The following FBXL2 variants were observed in gnomAD, a reference collection of about 807,000 sequenced individuals.
The protein encoded by FBXL2 is F-box/LRR-repeat protein 2.
A neutral mutation model predicts 69.2 loss-of-function variants in FBXL2; 38 were observed. The ratio of observed to expected loss-of-function variants is 0.55; its 90% CI spans 0.42 to 0.72. The LOEUF (loss-of-function observed/expected upper bound fraction) is 0.72, where lower values mean the gene tolerates loss of function less well. Among genes scored for constraint, FBXL2 ranks in the 30% least tolerant of loss-of-function variants. The pLI is 0.00. For synonymous variants in FBXL2, 192 were observed against 201.3 expected, an observed-to-expected ratio of 0.95 and a Z score of 0.39; for missense variants, 354 against 520.3, an observed-to-expected ratio of 0.68 and a Z score of 3.11.
intron 1 of FBXL2, among the ~76,000 whole-genome samples, chr3:33,280,431 G>A (rs2033845853): frequency 6.6e-6 from 1 of 152,134 alleles, no homozygotes; most frequent in African/African-American, 2.4e-5. Flanking sequence ...CTTCAAGGCT[G>A]GGCTCAGTGG....
At chr3:33,384,836 C>T (rs1414594350) in intron 14 of FBXL2, among the ~76,000 whole-genome samples, 3 of 151,924 alleles carry the variant, frequency 2.0e-5, no homozygotes, top group Admixed American at 1.3e-4. Context: ...GTCAAGGGTT[C>T]GAGACCAGCT....
chr3:33,396,704 A>G, intron 12 of FBXL2: 1 of 499,164 alleles, frequency 2.0e-6, no homozygotes, highest in Non-Finnish European at 3.8e-6. Flanking sequence ...CTGTTTAGTA[A>G]TAGTCATGAC....
chr3:33,409,961 A>G, the FBXL2 span, among the ~76,000 whole-genome samples: 2 of 152,172 alleles, frequency 1.3e-5, no homozygotes, highest in Admixed American at 1.3e-4. Flanking sequence ...GCCCTGTTCA[A>G]TCCACAGCAA....
At chr3:33,292,693 T>G (rs1338800151) in intron 1 of FBXL2, among the ~76,000 whole-genome samples, 2 of 152,004 alleles carry the variant, frequency 1.3e-5, no homozygotes, top group Admixed American at 6.6e-5. Context: ...ACAAAAGGAT[T>G]AAATTTACTA....
At chr3:33,285,806 C>T (rs1310547446) in intron 1 of FBXL2, among the ~76,000 whole-genome samples, 1 of 152,144 alleles carries the variant, frequency 6.6e-6, no homozygotes, top group East Asian at 1.9e-4. Context: ...ATCACTGATA[C>T]CCTTTCTTCC....
chr3:33,328,179 A>G (rs1293224841), intron 2 of FBXL2, among the ~76,000 whole-genome samples: 2 of 152,188 alleles, frequency 1.3e-5, no homozygotes, highest in Non-Finnish European at 2.9e-5. Flanking sequence ...AAAATCTAAA[A>G]CATTGATGAA....
chr3:33,304,114 A>T (rs1424506944), intron 2 of FBXL2, among the ~76,000 whole-genome samples: 1 of 152,116 alleles, frequency 6.6e-6, no homozygotes, highest in Non-Finnish European at 1.5e-5. Context: ...TGAGGCATAT[A>T]TACAGGATGA....
Position 33,338,614 on chromosome 3 carries a change from A to G in FBXL2, c.66-20353A>G, listed in dbSNP as rs1575249200. 1.3e-5 allele frequency among the ~76,000 whole-genome samples: 2 copies of G among 152,300 alleles called. 1 individual carries two copies. The highest frequency in any genetic ancestry group is 4.1e-4 in the South Asian group (2 of 4,820). On this transcript the variant is annotated intron_variant, in intron 2 of 14. Coordinates refer to ENST00000484457, the MANE Select transcript of FBXL2 (RefSeq NM_012157.5). ...ATGGAATAGGTTAGAGAACCCATAA[A>G]TAGAGCTGCACACCTACAACCATGT... is the stretch of plus-strand genomic sequence containing the variant.
intron 2 of FBXL2, among the ~76,000 whole-genome samples, chr3:33,321,325 A>G (rs919045881): frequency 7.9e-5 from 12 of 151,994 alleles, no homozygotes; most frequent in Non-Finnish European, 1.6e-4. Flanking sequence ...AAAAAAGAAA[A>G]AGAAAAAAGA....
At chr3:33,277,230 G>A (rs1225423842), upstream of FBXL2, 1 of 389,188 alleles carries the variant, frequency 2.6e-6, no homozygotes, top group Non-Finnish European at 4.5e-6. Flanking sequence ...GCAGTCTGCG[G>A]CTGGGTAATC....
At chr3:33,283,899 G>A (rs911910105) in intron 1 of FBXL2, among the ~76,000 whole-genome samples, 4 of 151,966 alleles carry the variant, frequency 2.6e-5, no homozygotes, top group Admixed American at 6.6e-5. Context: ...GTGATATTCC[G>A]TTTATGATCT....
downstream of FBXL2, among the ~76,000 whole-genome samples, chr3:33,404,147 T>C (rs755164289): frequency 6.6e-6 from 1 of 152,148 alleles, no homozygotes; most frequent in Admixed American, 6.5e-5. Flanking sequence ...GCGCGGTGGC[T>C]CACGCCTGTA....
intron 14 of FBXL2, among the ~76,000 whole-genome samples, chr3:33,384,443 C>T (rs2043274851): frequency 6.6e-6 from 1 of 152,172 alleles, no homozygotes; most frequent in Admixed American, 6.5e-5. Context: ...CACCTGTAAT[C>T]CCAGCTACTC....
At chr3:33,357,465 A>G (rs2041282114) in intron 2 of FBXL2, among the ~76,000 whole-genome samples, 1 of 150,512 alleles carries the variant, frequency 6.6e-6, no homozygotes, top group Non-Finnish European at 1.5e-5. Context: ...AATATATTGA[A>G]TATGTATGTT....
At chr3:33,313,108 G>A (rs1393358743) in intron 2 of FBXL2, among the ~76,000 whole-genome samples, 1 of 143,576 alleles carries the variant, frequency 7.0e-6, no homozygotes, top group African/African-American at 2.7e-5. Context: ...GTCAGAGTGA[G>A]ACTCCGTCTC....
intron 2 of FBXL2, among the ~76,000 whole-genome samples, chr3:33,312,229 A>T (rs1213613747): frequency 6.6e-6 from 1 of 151,360 alleles, no homozygotes; most frequent in Non-Finnish European, 1.5e-5. Flanking sequence ...GCTAATTTTT[A>T]AATTTTTTTG....
chr3:33,377,980 G>C (rs1479045710), intron 11 of FBXL2, 123 bp from the exon 12 acceptor site: 1 of 905,168 alleles, frequency 1.1e-6, no homozygotes, highest in Non-Finnish European at 1.8e-6. Flanking sequence ...TTTAGGAAGA[G>C]GGCATACTTC....
chr3:33,291,866 A>T (rs1402462683), intron 1 of FBXL2, among the ~76,000 whole-genome samples: 1 of 152,224 alleles, frequency 6.6e-6, no homozygotes, highest in Non-Finnish European at 1.5e-5. Flanking sequence ...ATCATCTCCA[A>T]TTAAAAGTTT....
intron 1 of FBXL2, among the ~76,000 whole-genome samples, chr3:33,287,197 C>T (rs2034728857): frequency 2.0e-5 from 3 of 152,102 alleles, no homozygotes; most frequent in Non-Finnish European, 1.5e-5. Flanking sequence ...GGTTTACAGA[C>T]AGTTTTTTGT....
Sources: gnomAD v4.1 joint callset for allele counts (sites outside exome capture counted in the v4.1 genomes callset) on GRCh38, gnomAD v4.1.1 for gene constraint, MANE v1.5 for transcripts, NCBI Gene and HGNC (gene_info 2026-07-23, HGNC 2026-07-21) for gene names.